Variants in OLFM2 observed in about 807,000 individuals in gnomAD.
OLFM2 encodes olfactomedin 2.
In OLFM2, 20 loss-of-function variants were observed where a neutral mutation model predicts 43.9. The observed-to-expected ratio is 0.46, with a 90% CI of 0.32 to 0.66. OLFM2 has a LOEUF of 0.66. OLFM2 is among the 30% of genes least tolerant of loss of function. The pLI is 0.04. For synonymous variants in OLFM2, 268 were observed against 278.6 expected (o/e 0.96, Z 0.38); for missense variants, 416 against 643.6 (o/e 0.65, Z 3.83).
At chr19:9,895,480 G>A (rs974756961) in intron 1 of OLFM2, among the ~76,000 whole-genome samples, 4 of 148,638 alleles carry the variant, frequency 2.7e-5, no homozygotes, top group Non-Finnish European at 6.0e-5. Flanking sequence ...GGGTGACAGA[G>A]TGAGACCCTG....
intron 1 of OLFM2, among the ~76,000 whole-genome samples, chr19:9,909,487 T>C (rs1275639747): frequency 6.6e-6 from 1 of 152,084 alleles, no homozygotes; most frequent in African/African-American, 2.4e-5. Flanking sequence ...TTCCCAGAGA[T>C]GGTCTATAAC....
rs34961482 is a variant in OLFM2, at chr19:9,854,666, C to T, written c.885G>A (p.Ser295=). ...SNVVVKYHFR[S]RSVLVQRSLP... is the part of the protein sequence containing the mutation. ...GGCTCCTCTGCACCAGCACAGAGCGCGAGCGGAAGTGGTATTTGACCACCA... is the reference window on the plus strand; with the variant it reads ...GGCTCCTCTGCACCAGCACAGAGCGTGAGCGGAAGTGGTATTTGACCACCA... The change falls in exon 6 of 6, where the codon TCG becomes TCA. Residue 295 remains serine, a synonymous_variant. Coordinates refer to ENST00000264833, the MANE Select transcript of OLFM2 (RefSeq NM_058164.4). This position sits in a 1 kb window ranked among gnomAD's most constrained non-coding sequence, Gnocchi z 9.5. 2.6e-3 allele frequency: 4,151 copies of T among 1,614,184 alleles called. 79 individuals are homozygous for T. The African/African-American group carries it at 0.047, about 18-fold the overall frequency.
chr19:9,866,775 G>A (rs1212513772), intron 1 of OLFM2, among the ~76,000 whole-genome samples: 2 of 152,022 alleles, frequency 1.3e-5, no homozygotes, highest in East Asian at 1.9e-4. Context: ...AATTATAGGC[G>A]TGAGCTATCA....
chr19:9,872,479 C>T (rs1293177543), intron 1 of OLFM2, among the ~76,000 whole-genome samples: 1 of 151,570 alleles, frequency 6.6e-6, no homozygotes, highest in African/African-American at 2.4e-5. Flanking sequence ...CACGCCACTG[C>T]ACTCCAACCT....
At chr19:9,878,184 T>C (rs1599476051) in intron 1 of OLFM2, among the ~76,000 whole-genome samples, 1 of 152,202 alleles carries the variant, frequency 6.6e-6, no homozygotes, top group East Asian at 1.9e-4. Flanking sequence ...TAGTCTGTTA[T>C]AGTAACAGCA....
chr19:9,894,879 C>G (rs1177794842), intron 1 of OLFM2, among the ~76,000 whole-genome samples: 1 of 152,074 alleles, frequency 6.6e-6, no homozygotes, highest in East Asian at 1.9e-4. Flanking sequence ...CTCAGAGCTC[C>G]AATGCATATA....
In OLFM2 at chr19:9,873,247, A is replaced by G. The variant is rs143285265; in HGVS notation, c.64-12453T>C. Among the ~76,000 whole-genome samples, 658 of 152,226 alleles carry G rather than the reference A, an allele frequency of 4.3e-3. 3 individuals carry two copies. The highest frequency in any genetic ancestry group is 0.02 in the Middle Eastern group (6 of 294). ...CTGCTCACTGCAACCTCCACCTCCC[A>G]GGCTCAAGCCATCCTCTCATTTCAG... On this transcript the variant is annotated intron_variant, in intron 1 of 5. Coordinates refer to ENST00000264833, the MANE Select transcript of OLFM2 (RefSeq NM_058164.4).
rs188977605 is a variant in OLFM2, at chr19:9,926,409, G to A, written c.63+9895C>T. Among the ~76,000 whole-genome samples the A allele has an allele frequency of 7.3e-3, 1,103 of 151,254 alleles. 10 individuals are homozygous for A. Among genetic ancestry groups the A allele is most frequent in the Non-Finnish European group, 0.013 (888 of 67,764 alleles). On this transcript the variant is annotated intron_variant, in intron 1 of 5. Coordinates refer to ENST00000264833, the MANE Select transcript of OLFM2 (RefSeq NM_058164.4). ...CTACTAAAAATACAAAAAATTAGCC[G>A]GGCGTGGTGGCGGCCGCCTGTAGTC...
chr19:9,874,866 G>A (rs1028335249), intron 1 of OLFM2, among the ~76,000 whole-genome samples: 3 of 152,186 alleles, frequency 2.0e-5, no homozygotes, highest in East Asian at 1.9e-4. Flanking sequence ...CTCCTGCCTC[G>A]GCCTCACAAA....
At chr19:9,855,296 A>G (rs1048843472) in intron 5 of OLFM2, among the ~76,000 whole-genome samples, 1 of 148,396 alleles carries the variant, frequency 6.7e-6, no homozygotes, top group Non-Finnish European at 1.5e-5. Flanking sequence ...GCTGGAGTAC[A>G]GTGGCGTGAT....
In OLFM2 at chr19:9,857,550, T is replaced by G; in HGVS notation, c.361-68A>C. 1.3e-6 allele frequency: 2 copies of G among 1,576,842 alleles called. No homozygotes were observed. Among genetic ancestry groups the G allele is most frequent in the Non-Finnish European group, 1.7e-6 (2 of 1,153,410 alleles). On this transcript the variant is annotated intron_variant, in intron 3 of 5. Coordinates refer to ENST00000264833, the MANE Select transcript of OLFM2 (RefSeq NM_058164.4). The surrounding 1 kb of genome is among the most constrained non-coding windows in gnomAD (Gnocchi z 5.7). Reference sequence around the variant, plus strand: ...CTTTGACCCAGACATGACTCCAACCTCTGACTCATAACTTCACCCTTTGTC... The same window carrying G: ...CTTTGACCCAGACATGACTCCAACCGCTGACTCATAACTTCACCCTTTGTC...
chr19:9,900,988 A>AAGGAAGGAAGGAAGGAAGGAAGGG (rs1401980050), intron 1 of OLFM2, among the ~76,000 whole-genome samples: 1 of 28,402 alleles, frequency 3.5e-5, no homozygotes, highest in African/African-American at 3.9e-4. Context: ...GGAAGGAAGG[A>AAGGAAGGAAGGAAGGAAGGAAGGG]AGGGAGGGAG....
rs758649388 is a variant in OLFM2 at position 9,854,540 on chromosome 19, G to A, written c.1011C>T (p.Thr337=). The A allele has an allele frequency of 5.6e-6, 9 of 1,613,856 alleles. No individual in the cohort carries two copies. The African/African-American group carries it at 1.1e-4, about 19-fold the overall frequency. Residue 337 remains threonine (T), a synonymous_variant, in exon 6 of 6, where the codon ACC becomes ACT. Coordinates refer to ENST00000264833, the MANE Select transcript of OLFM2 (RefSeq NM_058164.4). This position sits in a 1 kb window ranked among gnomAD's most constrained non-coding sequence, Gnocchi z 9.5. ...VDESGLWAVY[T]TNQNAGNIVV... is the part of the protein sequence containing the mutation. ...CGATGTTGCCCGCGTTCTGGTTGGT[G>A]GTGTACACAGCCCAGAGCCCGCTCT...
chr19:9,865,858 G>A (rs2046398657), intron 1 of OLFM2, among the ~76,000 whole-genome samples: 1 of 149,812 alleles, frequency 6.7e-6, no homozygotes, highest in Admixed American at 6.7e-5. Context: ...TCAAACAGGA[G>A]CCCAAGCATC....
chr19:9,929,581 G>A (rs1038994927), intron 1 of OLFM2, among the ~76,000 whole-genome samples: 6 of 147,026 alleles, frequency 4.1e-5, no homozygotes, highest in African/African-American at 1.5e-4. Flanking sequence ...GGGCGACAGA[G>A]TGAGACCCCG....
intron 1 of OLFM2, among the ~76,000 whole-genome samples, chr19:9,919,172 C>CTTTTT (rs1225663681): frequency 3.4e-5 from 4 of 116,714 alleles, no homozygotes; most frequent in Non-Finnish European, 5.6e-5. Flanking sequence ...CCTCATTTCT[C>CTTTTT]TCTCTTTTTT....
intron 1 of OLFM2, among the ~76,000 whole-genome samples, chr19:9,895,880 C>A (rs915716719): frequency 2.6e-5 from 4 of 152,004 alleles, no homozygotes; most frequent in African/African-American, 9.7e-5. Context: ...AAGTGATTCA[C>A]CCGCCTTGGC....
chr19:9,912,975 G>GACTCAGACAGAACT (rs2046839662), intron 1 of OLFM2, among the ~76,000 whole-genome samples: 1 of 144,700 alleles, frequency 6.9e-6, no homozygotes, highest in Non-Finnish European at 1.5e-5. Context: ...AATGAATAGA[G>GACTCAGACAGAACT]ACTCAGACAG....
chr19:9,905,642 A>G (rs1337449582), intron 1 of OLFM2, among the ~76,000 whole-genome samples: 1 of 150,454 alleles, frequency 6.6e-6, no homozygotes, highest in Non-Finnish European at 1.5e-5. Flanking sequence ...AAAAAAAAAA[A>G]GTTGGAACTC....
Sources: allele counts gnomAD v4.1 joint callset (sites outside exome capture counted in the v4.1 genomes callset), GRCh38; gene constraint gnomAD v4.1.1; non-coding constraint Gnocchi (gnomAD v3.1); transcripts MANE v1.5; gene names NCBI Gene and HGNC (gene_info 2026-07-23, HGNC 2026-07-21).